HERC1: variants seen among roughly 807,000 people sequenced by gnomAD.
HERC1 encodes HECT and RLD domain containing E3 ubiquitin protein ligase family member 1, also known as probable E3 ubiquitin-protein ligase HERC1.
In HERC1, 160 loss-of-function variants were observed where a neutral mutation model predicts 554.3. That is an observed-to-expected ratio of 0.29 (90% CI 0.25 to 0.33). The LOEUF (loss-of-function observed/expected upper bound fraction) is 0.33. Among genes scored for constraint, HERC1 ranks in the 10% least tolerant of loss-of-function variants. The probability of loss-of-function intolerance (pLI) is 1.00; values close to 1 mark genes in which losing one functional copy is unlikely to be tolerated. For synonymous variants in HERC1, 2,175 were observed against 2,131.7 expected (o/e 1.02, Z -0.56); for missense variants, 4,919 against 5,918.5 (o/e 0.83, Z 5.54).
At chr15:63,672,413 G>A in intron 39 of HERC1, 83 bp downstream of exon 39, 2 of 878,078 alleles carry the variant, frequency 2.3e-6, no homozygotes, top group South Asian at 2.2e-5. Flanking sequence ...AGATTCAGTT[G>A]GGCATACTAT....
chr15:63,716,448 T>C lies in HERC1; in HGVS notation c.4004A>G (p.Asp1335Gly). ...RWISENQDSA[D>G]VDPQEHSFTR... Reference sequence around the variant, plus strand: ...AAATGAATGCTCCTGAGGATCAACATCTGCAGAGTCCTGGTTTTCTGATAT... The same window carrying C: ...AAATGAATGCTCCTGAGGATCAACACCTGCAGAGTCCTGGTTTTCTGATAT... Residue 1335 changes from aspartate to glycine, a missense_variant, in exon 22 of 78, where the codon GAT becomes GGT. Physicochemically the swap from Asp to Gly is moderately conservative, Grantham distance 94 (BLOSUM62 -1). This residue lies in a region of HERC1 where 1,121 missense variants were observed against 1,244.0 expected (regional missense o/e 0.90). Transcript: ENST00000443617. 1 of 1,612,624 alleles carries C rather than the reference T, an allele frequency of 6.2e-7. No individual in the cohort carries two copies. Among genetic ancestry groups the C allele is most frequent in the Non-Finnish European group, 8.5e-7 (1 of 1,179,288 alleles).
intron 65 of HERC1, among the ~76,000 whole-genome samples, chr15:63,635,302 G>C (rs2068734936): frequency 6.6e-6 from 1 of 152,132 alleles, no homozygotes. Flanking sequence ...TCTTGCCTTG[G>C]CCTCCCAAAG....
chr15:63,680,240 G>T lies in HERC1; in HGVS notation c.6466-80C>A. ...CACAATATCTAACCACATTAGAATT[G>T]AAAGCTTTTATGAGACAGAACAAAA... On this transcript the variant is annotated intron_variant, in intron 35 of 77. Coordinates refer to ENST00000443617, the MANE Select transcript of HERC1 (RefSeq NM_003922.4). The surrounding 1 kb of genome is among the most constrained non-coding windows in gnomAD (Gnocchi z 5.8). 9.0e-7 allele frequency: 1 copy of T among 1,111,558 alleles called. No individual in the cohort carries two copies. Among genetic ancestry groups the T allele is most frequent in the Non-Finnish European group, 1.3e-6 (1 of 757,576 alleles). 68.9% of individuals were successfully genotyped at this position (1,111,558 alleles called of 1,614,324 possible).
intron 53 of HERC1, 100 bp downstream of exon 53, chr15:63,651,153 T>A: frequency 9.3e-7 from 1 of 1,074,886 alleles, no homozygotes; most frequent in Admixed American, 2.4e-5. Context: ...GGCTTGTGAA[T>A]TTCAAGGTGA....
At chr15:63,620,082 T>C (rs989322795) in intron 74 of HERC1, among the ~76,000 whole-genome samples, 2 of 152,238 alleles carry the variant, frequency 1.3e-5, no homozygotes, top group South Asian at 2.1e-4. Flanking sequence ...TTTATTGTGA[T>C]GTTAGGGTGT....
At position 63,611,547 on chromosome 15, in the gene HERC1, C is replaced by T. The variant is rs201857266; in HGVS notation, c.14400+704G>A. On this transcript the variant is annotated intron_variant, in intron 77 of 77. Transcript: ENST00000443617. ...AGTGGGCACAGAGGTTATCGTTGCT[C>T]CCCACATCTTTGGGTTCCTTCTGGG... Among the ~76,000 whole-genome samples, 12 of 152,314 alleles carry T rather than the reference C, an allele frequency of 7.9e-5. No individual in the cohort carries two copies. In the East Asian group the frequency reaches 2.3e-3, roughly 29 times the overall value.
At chr15:63,828,941 T>C (rs2146055307) in intron 1 of HERC1, among the ~76,000 whole-genome samples, 1 of 152,278 alleles carries the variant, frequency 6.6e-6, no homozygotes, top group South Asian at 2.1e-4. Context: ...TTCACTAGGG[T>C]ACAGGTTAGC....
rs139708330 is a variant in HERC1, at chr15:63,740,643, T to C, written c.2521-5794A>G. On this transcript the variant is annotated intron_variant, in intron 12 of 77. Transcript: ENST00000443617. ...GTGGGTGTGAAGTGGTATCTCAGTG[T>C]GGTTTTGATTTGTATTTCCCTAATA... Among the ~76,000 whole-genome samples the C allele has an allele frequency of 1.5e-3, 236 of 152,358 alleles. 1 individual carries two copies. Among genetic ancestry groups the C allele is most frequent in the African/African-American group, 5.5e-3 (227 of 41,582 alleles).
intron 24 of HERC1, among the ~76,000 whole-genome samples, chr15:63,709,822 T>C (rs761964002): frequency 2.0e-4 from 31 of 152,284 alleles, no homozygotes; most frequent in Non-Finnish European, 3.8e-4. Context: ...ATACTAATAA[T>C]ACATAAATAA....
chr15:63,782,108 C>G (rs972576372), intron 1 of HERC1, among the ~76,000 whole-genome samples: 1 of 152,206 alleles, frequency 6.6e-6, no homozygotes, highest in Non-Finnish European at 1.5e-5. Flanking sequence ...GATGTAGAAG[C>G]TGCACAAAGT....
intron 1 of HERC1, among the ~76,000 whole-genome samples, chr15:63,776,313 C>T (rs375226135): frequency 6.6e-6 from 1 of 152,166 alleles, no homozygotes; most frequent in African/African-American, 2.4e-5. Context: ...AGTACCACCA[C>T]CCCACCCAAA....
At chr15:63,779,732 C>T (rs982721406) in intron 1 of HERC1, 2 of 152,012 alleles carry the variant, frequency 1.3e-5, no homozygotes, top group African/African-American at 4.8e-5. Context: ...TGATATTATT[C>T]AGGCCAGGCA....
Position 63,713,459 on chromosome 15 carries a change from T to A in HERC1, c.4357A>T (p.Ile1453Leu). 6.2e-7 allele frequency: 1 copy of A among 1,614,020 alleles called. No homozygotes were observed. Among genetic ancestry groups the A allele is most frequent in the Non-Finnish European group, 8.5e-7 (1 of 1,179,888 alleles). The change falls in exon 23 of 78, where the codon ATA becomes TTA. Residue 1453 changes from isoleucine to leucine, a missense_variant. This residue lies in a region of HERC1 where 1,121 missense variants were observed against 1,244.0 expected (regional missense o/e 0.90). Coordinates refer to ENST00000443617, the MANE Select transcript of HERC1 (RefSeq NM_003922.4). ...TCTATCACAGGACTTACTCCTAATATTAACAGGGCACACCGATGGATCACG... is the reference window on the plus strand; with the variant it reads ...TCTATCACAGGACTTACTCCTAATAATAACAGGGCACACCGATGGATCACG... Reference protein sequence around the residue: ...NSVIHRCALLILGVSPVIDEL... With the variant: ...NSVIHRCALLLLGVSPVIDEL...
intron 12 of HERC1, among the ~76,000 whole-genome samples, chr15:63,739,250 T>G (rs1456003125): frequency 6.5e-5 from 9 of 139,074 alleles, no homozygotes; most frequent in Non-Finnish European, 4.6e-5. Context: ...CAGGCTGGAG[T>G]GCAGTGGCGT....
At chr15:63,681,475 G>A (rs372965540) in intron 34 of HERC1, among the ~76,000 whole-genome samples, 8 of 152,142 alleles carry the variant, frequency 5.3e-5, no homozygotes, top group East Asian at 3.9e-4. Flanking sequence ...GGGATTATAG[G>A]CATCAGCCAC....
Position 63,718,556 on chromosome 15 carries a change from A to AT in HERC1, c.3978+17dup. 1 of 1,533,174 alleles carries AT rather than the reference A, an allele frequency of 6.5e-7. No individual in the cohort carries two copies. Among genetic ancestry groups the AT allele is most frequent in the Non-Finnish European group, 8.8e-7 (1 of 1,134,094 alleles). The allele number at this position is 1,533,174 out of a possible 1,614,324, so 95.0% of individuals were successfully genotyped here. The stretch of plus-strand genomic sequence containing the variant: ...AGCTTGCAGAAAAACATAGAAATTA[A>AT]TTGATTTCAAACTTTACCCATCTGT... On this transcript the variant is annotated intron_variant, in intron 21 of 77. Coordinates refer to ENST00000443617, the MANE Select transcript of HERC1 (RefSeq NM_003922.4). This position sits in a 1 kb window ranked among gnomAD's most constrained non-coding sequence, Gnocchi z 4.2.
chr15:63,771,616 G>C (rs540880649), intron 2 of HERC1, among the ~76,000 whole-genome samples: 1 of 152,074 alleles, frequency 6.6e-6, no homozygotes, highest in Non-Finnish European at 1.5e-5. Flanking sequence ...ATTTTTAATA[G>C]AGACAGGGTT....
chr15:63,756,545 T>C lies in HERC1; in HGVS notation c.1425A>G (p.Thr475=), dbSNP rs754361771. ...CTCCCCAACTGAAGACTTCTCCTTC[T>C]GTCGTAAAGGCTAAAGTGTGACCAT... ...GSDGHTLAFT[T]EGEVFSWGDG... The change falls in exon 5 of 78, where the codon ACA becomes ACG. Residue 475 remains threonine, a synonymous_variant. Transcript: ENST00000443617. The surrounding 1 kb of genome is among the most constrained non-coding windows in gnomAD (Gnocchi z 5.0). 34 of 1,613,692 alleles carry C rather than the reference T, an allele frequency of 2.1e-5. No homozygotes were observed. The highest frequency in any genetic ancestry group is 2.5e-5 in the Non-Finnish European group (30 of 1,179,670).
intron 64 of HERC1, among the ~76,000 whole-genome samples, chr15:63,636,513 C>T (rs2068787472): frequency 6.6e-6 from 1 of 152,002 alleles, no homozygotes; most frequent in African/African-American, 2.4e-5. Context: ...TCAAGTGATC[C>T]GCCCACCTCG....
Sources: gnomAD v4.1 joint callset for allele counts (sites outside exome capture counted in the v4.1 genomes callset) on GRCh38, gnomAD v4.1.1 for gene constraint, gnomAD v4.1.1 regional missense constraint, Gnocchi (gnomAD v3.1) non-coding constraint, MANE v1.5 for transcripts, NCBI Gene and HGNC (gene_info 2026-07-23, HGNC 2026-07-21) for gene names.